Variants in CNTNAP2 observed in about 807,000 individuals in gnomAD.
CNTNAP2 encodes contactin-associated protein-like 2.
A neutral mutation model predicts 155.2 loss-of-function variants in CNTNAP2; 98 were observed. The observed-to-expected ratio is 0.63, with a 90% CI of 0.54 to 0.75. The LOEUF is 0.75. Among genes scored for constraint, CNTNAP2 ranks in the 30% least tolerant of loss-of-function variants. The pLI, the probability that CNTNAP2 is intolerant of heterozygous loss-of-function variation, is 0.00. For synonymous variants in CNTNAP2, 651 were observed against 631.2 expected, an observed-to-expected ratio of 1.03 and a Z score of -0.47; for missense variants, 1,727 against 1,688.1, an observed-to-expected ratio of 1.02 and a Z score of -0.40.
chr7:147,284,506 G>A (rs570577798), intron 8 of CNTNAP2, among the ~76,000 whole-genome samples: 37 of 151,800 alleles, frequency 2.4e-4, no homozygotes, highest in African/African-American at 8.9e-4. Flanking sequence ...GCCAACCCAT[G>A]AAACCATATT....
At chr7:146,743,365 C>A (rs1801752607) in intron 1 of CNTNAP2, among the ~76,000 whole-genome samples, 1 of 151,966 alleles carries the variant, frequency 6.6e-6, no homozygotes, top group Admixed American at 6.6e-5. Flanking sequence ...TGCCTTTTTT[C>A]CTGAGGTTGA....
intron 1 of CNTNAP2, among the ~76,000 whole-genome samples, chr7:146,304,192 C>T (rs546169117): frequency 5.3e-4 from 80 of 150,428 alleles, no homozygotes; most frequent in African/African-American, 2.0e-3. Flanking sequence ...CTCCTGAATA[C>T]AACACACTGA....
intron 3 of CNTNAP2, among the ~76,000 whole-genome samples, chr7:147,031,296 C>T (rs1490013534): frequency 1.3e-5 from 2 of 151,984 alleles, no homozygotes; most frequent in Non-Finnish European, 2.9e-5. Flanking sequence ...ATTTCTGATG[C>T]TATATTAGAT....
chr7:146,504,834 A>C (rs1012342817), intron 1 of CNTNAP2, among the ~76,000 whole-genome samples: 5 of 151,958 alleles, frequency 3.3e-5, no homozygotes, highest in African/African-American at 4.8e-5. Flanking sequence ...AGTCCCATAA[A>C]CTCCCAGGGG....
At chr7:148,188,859 T>C (rs1046537286) in intron 18 of CNTNAP2, among the ~76,000 whole-genome samples, 16 of 152,238 alleles carry the variant, frequency 1.1e-4, no homozygotes, top group Admixed American at 7.2e-4. Context: ...CTTCATATTA[T>C]TCCACCCAGT....
At chr7:146,825,615 G>T (rs1803385213) in intron 2 of CNTNAP2, among the ~76,000 whole-genome samples, 1 of 152,122 alleles carries the variant, frequency 6.6e-6, no homozygotes, top group South Asian at 2.1e-4. Flanking sequence ...TCAAGTATAT[G>T]AAATTACTAT....
intron 1 of CNTNAP2, among the ~76,000 whole-genome samples, chr7:146,151,510 G>T (rs1798037500): frequency 6.7e-6 from 1 of 148,898 alleles, no homozygotes. Context: ...CCTGTGCCTG[G>T]ATTATTTCCC....
chr7:147,562,396 T>C, intron 12 of CNTNAP2, 139 bp downstream of exon 12: 3 of 1,112,990 alleles, frequency 2.7e-6, no homozygotes, highest in Non-Finnish European at 4.0e-6. Context: ...ATTTGTTAGA[T>C]AAGATGATGA....
At chr7:147,873,179 C>T (rs907667062) in intron 13 of CNTNAP2, among the ~76,000 whole-genome samples, 1 of 152,180 alleles carries the variant, frequency 6.6e-6, no homozygotes, top group African/African-American at 2.4e-5. Flanking sequence ...AACTGGACTC[C>T]TTACCACTAA....
chr7:146,959,958 G>A (rs1434994348), intron 3 of CNTNAP2, among the ~76,000 whole-genome samples: 2 of 152,090 alleles, frequency 1.3e-5, no homozygotes, highest in Non-Finnish European at 2.9e-5. Flanking sequence ...GAAGAGAGCA[G>A]GGGCTTTAAA....
rs1563024577 is a variant in CNTNAP2, at chr7:148,283,256, AAAG to A, written c.3475+16133_3475+16135del. Among the ~76,000 whole-genome samples the A allele has an allele frequency of 5.9e-3, 126 of 21,316 alleles. 14 individuals carry two copies. In the South Asian group the frequency reaches 0.12, roughly 20 times the overall value. 14.0% of individuals were successfully genotyped at this position (21,316 alleles called of 152,430 possible). A position where few individuals can be genotyped will look rare whatever the true frequency, so the allele number is the denominator to read the frequency against. ...CTCTGTCTCAAAAAAAAAAAAAAAAAAAGAAAGAAAGAAAGAAAGAAAGAAAGA... is the reference window on the plus strand; with the variant it reads ...CTCTGTCTCAAAAAAAAAAAAAAAAAAAAGAAAGAAAGAAAGAAAGAAAGA... On this transcript the variant is annotated intron_variant, in intron 21 of 23. Coordinates refer to ENST00000361727, the MANE Select transcript of CNTNAP2 (RefSeq NM_014141.6).
intron 11 of CNTNAP2, among the ~76,000 whole-genome samples, chr7:147,538,436 G>C (rs1157383094): frequency 6.6e-6 from 1 of 152,146 alleles, no homozygotes; most frequent in Non-Finnish European, 1.5e-5. Context: ...AGGATCACTT[G>C]AAGCCAGGAG....
chr7:146,495,771 T>A (rs1797206268), intron 1 of CNTNAP2, among the ~76,000 whole-genome samples: 1 of 150,382 alleles, frequency 6.6e-6, no homozygotes, highest in South Asian at 2.1e-4. Context: ...GGTGAAGAAA[T>A]GAGAAAGGGT....
At chr7:147,504,305 G>C (rs1160453858) in intron 11 of CNTNAP2, among the ~76,000 whole-genome samples, 1 of 152,128 alleles carries the variant, frequency 6.6e-6, no homozygotes, top group Non-Finnish European at 1.5e-5. Flanking sequence ...CACTGACCTA[G>C]AGGCATGTAT....
chr7:148,025,787 C>T (rs1226093379), intron 15 of CNTNAP2, among the ~76,000 whole-genome samples: 1 of 152,150 alleles, frequency 6.6e-6, no homozygotes, highest in Admixed American at 6.5e-5. Context: ...ATTCATTTAT[C>T]TCATCTTAAG....
At chr7:148,250,493 G>A (rs117419399) in intron 20 of CNTNAP2, among the ~76,000 whole-genome samples, 1,821 of 152,258 alleles carry the variant, frequency 0.012, 16 homozygotes, top group Non-Finnish European at 0.02. Context: ...ATGAATAAAC[G>A]GACCTGTGAT....
At chr7:146,142,933 A>G (rs1298097867) in intron 1 of CNTNAP2, among the ~76,000 whole-genome samples, 3 of 152,248 alleles carry the variant, frequency 2.0e-5, no homozygotes, top group Non-Finnish European at 2.9e-5. Flanking sequence ...AAAGGCATCC[A>G]GTAGTTAGTA....
chr7:147,008,219 G>A (rs746105072), intron 3 of CNTNAP2, among the ~76,000 whole-genome samples: 12 of 152,056 alleles, frequency 7.9e-5, no homozygotes, highest in South Asian at 2.1e-4. Context: ...GGTTATAAGC[G>A]TATTGAATGA....
At chr7:148,089,755 A>G (rs1309493168) in intron 15 of CNTNAP2, among the ~76,000 whole-genome samples, 2 of 151,788 alleles carry the variant, frequency 1.3e-5, no homozygotes, top group Non-Finnish European at 3.0e-5. Context: ...AAAAATTCCA[A>G]TAACATTTTT....
Sources: gnomAD v4.1 joint callset for allele counts (sites outside exome capture counted in the v4.1 genomes callset) on GRCh38, gnomAD v4.1.1 for gene constraint, MANE v1.5 for transcripts, NCBI Gene and HGNC (gene_info 2026-07-23, HGNC 2026-07-21) for gene names.